The following CHST15 variants were observed in gnomAD, a reference collection of about 807,000 sequenced individuals.
The protein encoded by CHST15 is B cell RAG associated protein (GALNAC4S-6ST).
CHST15 carries 30 observed loss-of-function variants against 53.6 expected under a neutral mutation model. That is an observed-to-expected ratio of 0.56 (90% CI 0.42 to 0.76). The LOEUF (loss-of-function observed/expected upper bound fraction) is 0.76. CHST15 is among the 30% of genes least tolerant of loss of function. The pLI, the probability that CHST15 is intolerant of heterozygous loss-of-function variation, is 0.00. For synonymous variants in CHST15, 296 were observed against 289.8 expected, an observed-to-expected ratio of 1.02 and a Z score of -0.22; for missense variants, 627 against 740.5, an observed-to-expected ratio of 0.85 and a Z score of 1.78.
chr10:124,019,924 T>C lies in CHST15; in HGVS notation c.1347+1332A>G, dbSNP rs1055130914. On this transcript the variant is annotated intron_variant, in intron 6 of 7. Transcript: ENST00000435907. The surrounding 1 kb of genome is among the most constrained non-coding windows in gnomAD (Gnocchi z 4.6). ...TAGGTGGTGCTGACCACTGGGCCTC[T>C]GCACACGCTGCTCTCAGTTCCCTGG... is the stretch of plus-strand genomic sequence containing the variant. The C allele has an allele frequency of 6.1e-5, 60 of 985,948 alleles. No individual in the cohort carries two copies. In the Middle Eastern group the frequency reaches 1.6e-3, roughly 26 times the overall value. 61.1% of individuals were successfully genotyped at this position (985,948 alleles called of 1,614,324 possible).
chr10:124,071,398 C>T (rs772922858), intron 1 of CHST15, among the ~76,000 whole-genome samples: 7 of 152,212 alleles, frequency 4.6e-5, no homozygotes, highest in Non-Finnish European at 1.0e-4. Flanking sequence ...CAAGGGGCCA[C>T]AGCTGGGGCT....
chr10:124,012,630 C>A, intron 6 of CHST15, 150 bp from the exon 7 acceptor site: 1 of 890,970 alleles, frequency 1.1e-6, no homozygotes, highest in Non-Finnish European at 1.7e-6. Flanking sequence ...ACAAGGTGTT[C>A]TTGCTTCTTT....
intron 1 of CHST15, among the ~76,000 whole-genome samples, chr10:124,093,242 T>G (rs1949661200): frequency 6.6e-6 from 1 of 150,556 alleles, no homozygotes; most frequent in African/African-American, 2.5e-5. Flanking sequence ...ATTGTCTGCC[T>G]GGGCCGCCGC....
rs1554903170 is a variant in CHST15, at chr10:124,021,240, G to GGC, written c.1347+15_1347+16insGC. The GGC allele has an allele frequency of 4.0e-5, 62 of 1,563,336 alleles. 1 individual carries two copies. The highest frequency in any genetic ancestry group is 5.0e-5 in the Non-Finnish European group (58 of 1,150,222). Reference sequence around the variant, plus strand: ...CAGGGGCCAGCTCGGGGGGTACGGGGGGGGGGGGTACACACAGGCATGGCG... The same window carrying GGC: ...CAGGGGCCAGCTCGGGGGGTACGGGGGCGGGGGGGGTACACACAGGCATGGCG... On this transcript the variant is annotated intron_variant, in intron 6 of 7. Transcript: ENST00000435907.
At chr10:124,088,089 G>A (rs1056784035) in intron 1 of CHST15, among the ~76,000 whole-genome samples, 1 of 152,226 alleles carries the variant, frequency 6.6e-6, no homozygotes, top group Non-Finnish European at 1.5e-5. Flanking sequence ...CGGGGCTGAA[G>A]AATATCACCC....
chr10:124,042,073 C>T (rs1469251658), intron 4 of CHST15, among the ~76,000 whole-genome samples: 1 of 152,212 alleles, frequency 6.6e-6, no homozygotes, highest in African/African-American at 2.4e-5. Flanking sequence ...CCTTAAGTCT[C>T]CAAAGAATTA....
Position 124,008,357 on chromosome 10 carries a change from ACGCGCG to A in CHST15, c.*1786_*1791del. On this transcript the variant is annotated 3_prime_UTR_variant, in exon 8 of 8. Coordinates refer to ENST00000435907, the MANE Select transcript of CHST15 (RefSeq NM_001270764.2). ...CACACGTGCGCGTACACACACACAC[ACGCGCG>A]CACTGTACTGCAAATAAATATACAC... 9.8e-7 allele frequency: 1 copy of A among 1,017,618 alleles called. No individual in the cohort carries two copies. The highest frequency in any genetic ancestry group is 4.7e-5 in the South Asian group (1 of 21,366). The allele number at this position is 1,017,618 out of a possible 1,614,324, so 63.0% of individuals were successfully genotyped here.
At chr10:124,038,726 GTGGC>G in intron 4 of CHST15, 55 bp from the exon 5 acceptor site, 1 of 1,582,128 alleles carries the variant, frequency 6.3e-7, no homozygotes, top group Non-Finnish European at 8.6e-7. Flanking sequence ...CTCCCACGGA[GTGGC>G]TCTAGGTGCC....
chr10:124,035,178 G>GGACCCCGGCTCCGCCCCCTAACAGA (rs1947425679), intron 5 of CHST15, among the ~76,000 whole-genome samples: 1 of 140,720 alleles, frequency 7.1e-6, no homozygotes, highest in Non-Finnish European at 1.5e-5. Flanking sequence ...CCCCTAACGG[G>GGACCCCGGCTCCGCCCCCTAACAGA]GACCCTGGTT....
intron 1 of CHST15, among the ~76,000 whole-genome samples, chr10:124,082,869 T>C (rs1228699249): frequency 2.0e-5 from 3 of 152,160 alleles, no homozygotes; most frequent in South Asian, 2.1e-4. Context: ...AATAGAGGAA[T>C]TGGGCTGGAC....
At chr10:124,022,222 C>G (rs771814205) in intron 5 of CHST15, among the ~76,000 whole-genome samples, 6 of 152,208 alleles carry the variant, frequency 3.9e-5, no homozygotes, top group Non-Finnish European at 8.8e-5. Context: ...GGCTACTGTT[C>G]TGGACTGAGC....
chr10:124,020,578 G>A lies in CHST15; in HGVS notation c.1347+678C>T, dbSNP rs989240025. 24 of 985,622 alleles carry A rather than the reference G, an allele frequency of 2.4e-5. No individual in the cohort carries two copies. The South Asian group carries it at 2.8e-4, about 12-fold the overall frequency. The allele number at this position is 985,622 out of a possible 1,614,324, so 61.1% of individuals were successfully genotyped here. A position where few individuals can be genotyped will look rare whatever the true frequency, so the allele number is the denominator to read the frequency against. On this transcript the variant is annotated intron_variant, in intron 6 of 7. Transcript: ENST00000435907. The stretch of plus-strand genomic sequence containing the variant: ...CAGGCCTGTTGGTGCCTTGCTATGC[G>A]AGACGCTGAGCAGAGCAAGGCTTGT...
intron 3 of CHST15, among the ~76,000 whole-genome samples, chr10:124,043,868 T>G (rs1947834755): frequency 6.6e-6 from 1 of 150,522 alleles, no homozygotes; most frequent in Admixed American, 6.6e-5. Flanking sequence ...AGCACATAGC[T>G]GAGAACAGCA....
Position 124,008,356 on chromosome 10 carries a change from C to G in CHST15, c.*1793G>C, listed in dbSNP as rs1351157647. Reference sequence around the variant, plus strand: ...CCACACGTGCGCGTACACACACACACACGCGCGCACTGTACTGCAAATAAA... The same window carrying G: ...CCACACGTGCGCGTACACACACACAGACGCGCGCACTGTACTGCAAATAAA... On this transcript the variant is annotated 3_prime_UTR_variant, in exon 8 of 8. Coordinates refer to ENST00000435907, the MANE Select transcript of CHST15 (RefSeq NM_001270764.2). The G allele has an allele frequency of 9.6e-7, 1 of 1,044,474 alleles. No individual in the cohort carries two copies. The allele number at this position is 1,044,474 out of a possible 1,614,324, so 64.7% of individuals were successfully genotyped here.
intron 1 of CHST15, among the ~76,000 whole-genome samples, chr10:124,072,760 T>C (rs1471153064): frequency 6.6e-6 from 1 of 152,108 alleles, no homozygotes; most frequent in Non-Finnish European, 1.5e-5. Flanking sequence ...CATCCGCAAG[T>C]TCAGAAACAG....
chr10:124,077,066 A>G (rs1346993126), intron 1 of CHST15, among the ~76,000 whole-genome samples: 1 of 152,246 alleles, frequency 6.6e-6, no homozygotes, highest in Non-Finnish European at 1.5e-5. Context: ...CAAATTATAT[A>G]GATGGATCTG....
intron 3 of CHST15, among the ~76,000 whole-genome samples, chr10:124,043,992 G>A (rs1019198181): frequency 1.3e-5 from 2 of 149,788 alleles, no homozygotes; most frequent in Admixed American, 6.6e-5. Flanking sequence ...GCACAGAGCA[G>A]AGGAACAGCA....
intron 1 of CHST15, among the ~76,000 whole-genome samples, chr10:124,050,079 CTTACAT>C (rs1948138409): frequency 6.6e-6 from 1 of 152,144 alleles, no homozygotes; most frequent in African/African-American, 2.4e-5. Flanking sequence ...ATAAAACTGT[CTTACAT>C]TTACAAGTTT....
chr10:124,045,112 C>CAAAAAAAAAAAAAAAAAAAAA lies in CHST15; in HGVS notation c.547-214_547-194dup, dbSNP rs758243657. The stretch of plus-strand genomic sequence containing the variant: ...TGCTTTCCTCTCCCCCGCCGCCCCA[C>CAAAAAAAAAAAAAAAAAAAAA]AAAAAAAAAAAAAAAAAAAAAAAAA... On this transcript the variant is annotated intron_variant, in intron 2 of 7. Coordinates refer to ENST00000435907, the MANE Select transcript of CHST15 (RefSeq NM_001270764.2). 1.1e-3 allele frequency among the ~76,000 whole-genome samples: 36 copies of CAAAAAAAAAAAAAAAAAAAAA among 33,764 alleles called. 2 individuals carry two copies. Among genetic ancestry groups the CAAAAAAAAAAAAAAAAAAAAA allele is most frequent in the East Asian group, 3.7e-3 (3 of 802 alleles). The allele number at this position is 33,764 out of a possible 152,430, so 22.2% of individuals were successfully genotyped here. A position where few individuals can be genotyped will look rare whatever the true frequency, so the allele number is the denominator to read the frequency against.
Sources: allele counts gnomAD v4.1 joint callset (sites outside exome capture counted in the v4.1 genomes callset), GRCh38; gene constraint gnomAD v4.1.1; non-coding constraint Gnocchi (gnomAD v3.1); transcripts MANE v1.5; gene names NCBI Gene and HGNC (gene_info 2026-07-23, HGNC 2026-07-21).